The following WBP4 variants were observed in gnomAD, a reference collection of about 807,000 sequenced individuals.
WBP4 encodes the protein WW domain binding protein 4, also known as WW domain-binding protein 4.
In WBP4, 37 loss-of-function variants were observed where a neutral mutation model predicts 55.4. The observed-to-expected ratio is 0.67, with a 90% CI of 0.51 to 0.88. WBP4 has a LOEUF of 0.88. Among genes scored for constraint, WBP4 ranks in the 40% least tolerant of loss-of-function variants. The probability of loss-of-function intolerance (pLI) is 0.00; values close to 1 mark genes in which losing one functional copy is unlikely to be tolerated. For missense variants in WBP4, 398 were observed against 420.8 expected (o/e 0.95, Z 0.47); for synonymous variants, 142 against 140.2 (o/e 1.01, Z -0.09).
chr13:41,077,796 T>C (rs1462751825), intron 8 of WBP4, among the ~76,000 whole-genome samples: 2 of 152,130 alleles, frequency 1.3e-5, no homozygotes, highest in Admixed American at 1.3e-4. Flanking sequence ...TGTTTCAGGA[T>C]ACAAAATCAC....
At chr13:41,073,666 G>T (rs964268087) in intron 7 of WBP4, among the ~76,000 whole-genome samples, 2 of 151,976 alleles carry the variant, frequency 1.3e-5, no homozygotes, top group African/African-American at 4.8e-5. Context: ...AAATTACCCG[G>T]GCGTGGTGGT....
In WBP4 at chr13:41,078,678, T is replaced by C. The variant is rs550414124; in HGVS notation, c.757-1968T>C. Reference sequence around the variant, plus strand: ...CCCCATCTCTACTAAAAATAGAAAATTAGCTGGGTGTCCTGGCGCATGCCT... The same window carrying C: ...CCCCATCTCTACTAAAAATAGAAAACTAGCTGGGTGTCCTGGCGCATGCCT... On this transcript the variant is annotated intron_variant, in intron 8 of 9. Transcript: ENST00000379487. Among the ~76,000 whole-genome samples the C allele has an allele frequency of 1.4e-3, 216 of 151,996 alleles. 1 individual carries two copies. Among genetic ancestry groups the C allele is most frequent in the Non-Finnish European group, 2.3e-3 (155 of 67,960 alleles).
intron 4 of WBP4, among the ~76,000 whole-genome samples, chr13:41,067,234 G>A (rs548642485): frequency 2.0e-5 from 3 of 152,214 alleles, no homozygotes; most frequent in East Asian, 1.9e-4. Flanking sequence ...GATTACAAGC[G>A]TGAGCCACTG....
Position 41,072,775 on chromosome 13 carries a change from C to G in WBP4, c.487-7C>G, listed in dbSNP as rs369324984. On this transcript the variant is annotated splice_region_variant and splice_polypyrimidine_tract_variant and intron_variant, in intron 6 of 9. Coordinates refer to ENST00000379487, the MANE Select transcript of WBP4 (RefSeq NM_007187.5). The stretch of plus-strand genomic sequence containing the variant: ...TAGTTTATGCTGGGTTTTTTTCCTC[C>G]TATTAGACAGCAGTGAAGACCGTTT... The G allele has an allele frequency of 4.3e-6, 7 of 1,611,654 alleles. No homozygotes were observed. The highest frequency in any genetic ancestry group is 5.9e-6 in the Non-Finnish European group (7 of 1,179,078).
chr13:41,068,438 A>G (rs1245728998), intron 4 of WBP4, 123 bp from the exon 5 acceptor site: 1 of 858,574 alleles, frequency 1.2e-6, no homozygotes, highest in Non-Finnish European at 1.6e-6. Context: ...CTTTATAATA[A>G]TGTGTTAAGT....
In WBP4 at chr13:41,076,134, A is replaced by G. The variant is rs375400699; in HGVS notation, c.653A>G (p.Asp218Gly). 5.6e-6 allele frequency: 9 copies of G among 1,613,698 alleles called. No individual in the cohort carries two copies. The African/African-American group carries it at 8.0e-5, about 14-fold the overall frequency. The change falls in exon 8 of 10, where the codon GAT (aspartate) becomes GGT (glycine). Residue 218 changes from aspartate (D) to glycine (G), a missense_variant. By Grantham distance (94) the Asp-to-Gly change is moderately conservative. Transcript: ENST00000379487. ...AATGAAAATTCACTTGGCACCCTAG[A>G]TGAATCCAAATCATCAGATTCGCAT... is the stretch of plus-strand genomic sequence containing the variant. ...KVNENSLGTL[D>G]ESKSSDSHSD...
chr13:41,068,427 A>G (rs1209606870), intron 4 of WBP4, 134 bp from the exon 5 acceptor site: 1 of 782,686 alleles, frequency 1.3e-6, no homozygotes, highest in Non-Finnish European at 1.8e-6. Context: ...TTCCGAATGA[A>G]CTTTATAATA....
Position 41,083,584 on chromosome 13 carries a change from A to G in WBP4, c.*670A>G, listed in dbSNP as rs1389354525. On this transcript the variant is annotated 3_prime_UTR_variant, in exon 10 of 10. Transcript: ENST00000379487. ...GGCATTGTGTTAGGAATCCAGGGAT[A>G]AAGATGAATGAAATGTATTTCTGTT... is the stretch of plus-strand genomic sequence containing the variant. 6.6e-6 allele frequency: 1 copy of G among 152,350 alleles called. No homozygotes were observed. The highest frequency in any genetic ancestry group is 1.5e-5 in the Non-Finnish European group (1 of 68,126). The allele number at this position is 152,350 out of a possible 1,614,324, so 9.4% of individuals were successfully genotyped here. A position where few individuals can be genotyped will look rare whatever the true frequency, so the allele number is the denominator to read the frequency against.
At chr13:41,071,309 C>G (rs1009790865) in intron 5 of WBP4, among the ~76,000 whole-genome samples, 1 of 152,224 alleles carries the variant, frequency 6.6e-6, no homozygotes, top group Non-Finnish European at 1.5e-5. Flanking sequence ...CCAGTAACTT[C>G]TAATCCCTCG....
At chr13:41,072,456 A>T (rs765724401) in intron 6 of WBP4, among the ~76,000 whole-genome samples, 7 of 152,250 alleles carry the variant, frequency 4.6e-5, no homozygotes, top group Non-Finnish European at 8.8e-5. Flanking sequence ...GTCACATCTT[A>T]CATGGCCAGA....
chr13:41,080,017 C>T (rs1445388394), intron 8 of WBP4, among the ~76,000 whole-genome samples: 2 of 135,412 alleles, frequency 1.5e-5, no homozygotes, highest in Non-Finnish European at 3.1e-5. Context: ...ACAGTGGGCA[C>T]ACATGGACAT....
chr13:41,080,795 A>G lies in WBP4; in HGVS notation c.906A>G (p.Gln302=), dbSNP rs750111503. 4 of 1,606,862 alleles carry G rather than the reference A, an allele frequency of 2.5e-6. No homozygotes were observed. Among genetic ancestry groups the G allele is most frequent in the South Asian group, 2.3e-5 (2 of 88,752 alleles). Residue 302 remains glutamine, a synonymous_variant, in exon 9 of 10, where the codon CAA becomes CAG. Transcript: ENST00000379487. ...ATGGAGAATGGCAAGAAATTAAACA[A>G]GAGGTTGAGTCTCAGTAAGTACCTG... ...NPYGEWQEIK[Q]EVESHEEVDL... is the part of the protein sequence containing the mutation.
intron 8 of WBP4, 69 bp from the exon 9 acceptor site, chr13:41,080,577 G>A (rs1878724909): frequency 4.1e-6 from 5 of 1,211,812 alleles, no homozygotes; most frequent in Non-Finnish European, 5.7e-6. Flanking sequence ...ACCTTTAAAA[G>A]CCTTAAATTT....
chr13:41,062,843 G>GACAGAA, intron 2 of WBP4, 127 bp downstream of exon 2: 1 of 699,990 alleles, frequency 1.4e-6, no homozygotes, highest in Non-Finnish European at 2.2e-6. Flanking sequence ...AACATCAGAA[G>GACAGAA]ATTTCTGTCT....
chr13:41,076,389 C>T (rs907115598), intron 8 of WBP4, 152 bp downstream of exon 8: 1 of 621,106 alleles, frequency 1.6e-6, no homozygotes. Flanking sequence ...AGCAATTCTC[C>T]TGCCTCAGCC....
chr13:41,069,034 AT>A (rs1159928412), intron 5 of WBP4, among the ~76,000 whole-genome samples: 5 of 152,242 alleles, frequency 3.3e-5, no homozygotes, highest in Admixed American at 1.3e-4. Context: ...GAAATAAAGA[AT>A]TTTGCATAGA....
chr13:41,067,570 C>A (rs1384029288), intron 4 of WBP4, among the ~76,000 whole-genome samples: 2 of 152,116 alleles, frequency 1.3e-5, no homozygotes, highest in Non-Finnish European at 2.9e-5. Flanking sequence ...CCTGTAGTCC[C>A]AGCTACTTGG....
chr13:41,067,195 C>T (rs973217953), intron 4 of WBP4, among the ~76,000 whole-genome samples: 5 of 152,134 alleles, frequency 3.3e-5, no homozygotes, highest in African/African-American at 9.7e-5. Flanking sequence ...CTCAAGCAAT[C>T]CACCTGCCTG....
intron 7 of WBP4, among the ~76,000 whole-genome samples, chr13:41,073,157 A>G (rs1593430035): frequency 6.6e-6 from 1 of 152,360 alleles, no homozygotes; most frequent in African/African-American, 2.4e-5. Context: ...TTTTAGAAAT[A>G]TAGTCATTAC....
Sources: allele counts gnomAD v4.1 joint callset (sites outside exome capture counted in the v4.1 genomes callset), GRCh38; gene constraint gnomAD v4.1.1; transcripts MANE v1.5; gene names NCBI Gene and HGNC (gene_info 2026-07-23, HGNC 2026-07-21).